ROBO2: variants seen among roughly 807,000 people sequenced by gnomAD.
ROBO2 encodes the protein roundabout guidance receptor 2, also known as roundabout homolog 2.
In ROBO2, 53 loss-of-function variants were observed where a neutral mutation model predicts 160.8. That is an observed-to-expected ratio of 0.33 (90% CI 0.26 to 0.41). ROBO2 has a LOEUF of 0.41. Among genes scored for constraint, ROBO2 ranks in the 10% least tolerant of loss-of-function variants. The pLI, the probability that ROBO2 is intolerant of heterozygous loss-of-function variation, is 1.00. For synonymous variants in ROBO2, 664 were observed against 611.7 expected (o/e 1.09, Z -1.26); for missense variants, 1,577 against 1,722.4 (o/e 0.92, Z 1.49).
intron 2 of ROBO2, among the ~76,000 whole-genome samples, chr3:76,570,360 A>T (rs2084883676): frequency 6.6e-6 from 1 of 152,224 alleles, no homozygotes; most frequent in South Asian, 2.1e-4. Flanking sequence ...GAGAGGATAA[A>T]TCATAGAAAT....
At chr3:75,962,380 T>C (rs1389175837) in intron 2 of ROBO2, among the ~76,000 whole-genome samples, 1 of 151,826 alleles carries the variant, frequency 6.6e-6, no homozygotes, top group Non-Finnish European at 1.5e-5. Flanking sequence ...GAATTAGACA[T>C]AGTCAATGGA....
chr3:77,374,357 C>CG (rs2072324458), intron 2 of ROBO2, among the ~76,000 whole-genome samples: 1 of 151,664 alleles, frequency 6.6e-6, no homozygotes, highest in Non-Finnish European at 1.5e-5. Context: ...AGTGACTAGA[C>CG]TAAGTTCAGT....
chr3:76,374,914 A>G (rs1475477361), intron 2 of ROBO2, among the ~76,000 whole-genome samples: 1 of 151,294 alleles, frequency 6.6e-6, no homozygotes, highest in African/African-American at 2.4e-5. Flanking sequence ...TTCTTTTATC[A>G]GTGTGACTAT....
intron 2 of ROBO2, among the ~76,000 whole-genome samples, chr3:76,744,172 A>G (rs1406053636): frequency 2.0e-5 from 3 of 152,200 alleles, no homozygotes; most frequent in Admixed American, 6.6e-5. Flanking sequence ...ATAACAAAGT[A>G]TTACAAAATG....
At chr3:77,227,336 CTTT>C (rs2086617130) in intron 2 of ROBO2, among the ~76,000 whole-genome samples, 1 of 152,044 alleles carries the variant, frequency 6.6e-6, no homozygotes, top group Non-Finnish European at 1.5e-5. Context: ...TTCATTTTGC[CTTT>C]TACCTCCAAT....
chr3:77,408,389 A>G (rs2076428806), intron 2 of ROBO2, among the ~76,000 whole-genome samples: 1 of 152,094 alleles, frequency 6.6e-6, no homozygotes, highest in Non-Finnish European at 1.5e-5. Context: ...GTGCTTTTTT[A>G]TTACCCTAGT....
intron 2 of ROBO2, among the ~76,000 whole-genome samples, chr3:77,130,311 T>C (rs1238273964): frequency 1.3e-5 from 2 of 152,212 alleles, no homozygotes; most frequent in South Asian, 2.1e-4. Flanking sequence ...ATGGCTGTTG[T>C]TGTGAATTGT....
At chr3:77,398,330 C>A (rs1281365141) in intron 2 of ROBO2, among the ~76,000 whole-genome samples, 2 of 151,990 alleles carry the variant, frequency 1.3e-5, no homozygotes, top group African/African-American at 4.8e-5. Flanking sequence ...TTGTGGGAAG[C>A]CAAGATGCCA....
At chr3:77,248,398 C>G (rs940587586) in intron 2 of ROBO2, among the ~76,000 whole-genome samples, 8 of 151,716 alleles carry the variant, frequency 5.3e-5, no homozygotes, top group African/African-American at 1.9e-4. Context: ...CACACTGACC[C>G]TCCACTGAGC....
chr3:76,194,348 G>GTA (rs753771912), intron 2 of ROBO2, among the ~76,000 whole-genome samples: 1 of 45,710 alleles, frequency 2.2e-5, no homozygotes, highest in African/African-American at 6.4e-5. Flanking sequence ...TATGTATGGT[G>GTA]TGTAAATATA....
At chr3:77,396,401 G>A (rs569143028) in intron 2 of ROBO2, among the ~76,000 whole-genome samples, 33 of 152,040 alleles carry the variant, frequency 2.2e-4, no homozygotes, top group Admixed American at 7.2e-4. Context: ...TAATCACCTT[G>A]CAATCACAAT....
intron 2 of ROBO2, among the ~76,000 whole-genome samples, chr3:77,005,187 T>A (rs1002176062): frequency 6.6e-6 from 1 of 152,152 alleles, no homozygotes; most frequent in East Asian, 1.9e-4. Context: ...ACTGAAAAGC[T>A]TTTCCTGACT....
intron 6 of ROBO2, among the ~76,000 whole-genome samples, chr3:77,541,168 G>A (rs1375397695): frequency 6.6e-6 from 1 of 152,150 alleles, no homozygotes; most frequent in Non-Finnish European, 1.5e-5. Context: ...TTCACCCTGT[G>A]CCACATATGA....
chr3:76,187,422 G>A (rs948948761), intron 2 of ROBO2, among the ~76,000 whole-genome samples: 1 of 150,100 alleles, frequency 6.7e-6, no homozygotes, highest in Non-Finnish European at 1.5e-5. Flanking sequence ...CAACAGGTGT[G>A]CACCACCACA....
At chr3:76,898,004 C>T (rs1315899979) in intron 2 of ROBO2, among the ~76,000 whole-genome samples, 2 of 152,060 alleles carry the variant, frequency 1.3e-5, no homozygotes, top group Non-Finnish European at 2.9e-5. Context: ...TTCATGTCAA[C>T]ACATTCCTGA....
intron 1 of ROBO2, among the ~76,000 whole-genome samples, chr3:75,924,122 A>G (rs1302759654): frequency 2.0e-5 from 3 of 152,174 alleles, no homozygotes; most frequent in Non-Finnish European, 4.4e-5. Flanking sequence ...TTTCTCAGTT[A>G]CTTAGTGTGT....
At chr3:77,612,647 G>GA (rs1445707066) in intron 21 of ROBO2, among the ~76,000 whole-genome samples, 6 of 152,120 alleles carry the variant, frequency 3.9e-5, no homozygotes, top group African/African-American at 1.4e-4. Flanking sequence ...AAATGACACA[G>GA]AAAAATTGGT....
intron 6 of ROBO2, among the ~76,000 whole-genome samples, chr3:77,541,948 T>A (rs1582828350): frequency 7.3e-6 from 1 of 137,404 alleles, no homozygotes; most frequent in East Asian, 1.9e-4. Flanking sequence ...GACCTAGTAG[T>A]TTTTTTTTTA....
chr3:76,003,132 C>A (rs1378496883), intron 2 of ROBO2, among the ~76,000 whole-genome samples: 1 of 152,142 alleles, frequency 6.6e-6, no homozygotes, highest in African/African-American at 2.4e-5. Flanking sequence ...GCAGTAACTG[C>A]AGGGTTTACT....
Sources: allele counts gnomAD v4.1 joint callset (sites outside exome capture counted in the v4.1 genomes callset), GRCh38; gene constraint gnomAD v4.1.1; transcripts MANE v1.5; gene names NCBI Gene and HGNC (gene_info 2026-07-23, HGNC 2026-07-21).